Variants in BLTP1 observed in about 807,000 individuals in gnomAD.
BLTP1 encodes the protein fragile site-associated protein.
At chr4:122,340,818 C>G in the BLTP1 span, 1 of 956,998 alleles carries the variant, frequency 1.0e-6, no homozygotes, top group Non-Finnish European at 1.2e-6. Context: ...GTTACACTCA[C>G]TATTCATTAT....
the BLTP1 span, chr4:122,292,207 G>T: frequency 3.7e-6 from 1 of 266,848 alleles, no homozygotes; most frequent in African/African-American, 2.3e-5. Flanking sequence ...TTGACCTTGT[G>T]ATCTGCGTGC....
the BLTP1 span, chr4:122,156,100 G>C: frequency 1.5e-5 from 5 of 337,298 alleles, no homozygotes; most frequent in Non-Finnish European, 2.1e-5. Context: ...AGTAGATTGG[G>C]GAACATGATT....
chr4:122,223,226 T>A, the BLTP1 span: 1 of 831,924 alleles, frequency 1.2e-6, no homozygotes, highest in Non-Finnish European at 1.4e-6. Context: ...TCTTATGAAT[T>A]AGAGTTAGCC....
the BLTP1 span, among the ~76,000 whole-genome samples, chr4:122,345,799 C>T: frequency 6.6e-6 from 1 of 151,856 alleles, no homozygotes; most frequent in Non-Finnish European, 1.5e-5. Flanking sequence ...AGAGCATGAA[C>T]TGTGGCAGTA....
the BLTP1 span, chr4:122,192,113 T>G: frequency 2.0e-6 from 2 of 1,025,500 alleles, no homozygotes; most frequent in Non-Finnish European, 2.7e-6. Context: ...TTCTCAATAA[T>G]TTTTAAGAGT....
chr4:122,332,189 A>G, the BLTP1 span, among the ~76,000 whole-genome samples: 3 of 152,098 alleles, frequency 2.0e-5, no homozygotes, highest in South Asian at 6.2e-4. Context: ...GAGGATCATT[A>G]ATGATACTAT....
At chr4:122,344,281 G>A in the BLTP1 span, 12 of 1,225,592 alleles carry the variant, frequency 9.8e-6, no homozygotes, top group Non-Finnish European at 1.2e-5. Flanking sequence ...TTTAATTCAT[G>A]GCATATTACA....
At chr4:122,302,690 A>G in the BLTP1 span, among the ~76,000 whole-genome samples, 1 of 152,192 alleles carries the variant, frequency 6.6e-6, no homozygotes, top group African/African-American at 2.4e-5. Context: ...TTGTGAATGC[A>G]AAGGTGAAGT....
At chr4:122,297,957 G>A in the BLTP1 span, 8 of 157,234 alleles carry the variant, frequency 5.1e-5, no homozygotes, top group Admixed American at 5.2e-4. Flanking sequence ...ATGGATACTG[G>A]GCTTCATACC....
chr4:122,339,335 A>G, the BLTP1 span: 2 of 1,613,592 alleles, frequency 1.2e-6, no homozygotes, highest in African/African-American at 2.7e-5. Context: ...CATATCCTGC[A>G]GAGACTTTAT....
chr4:122,300,789 T>C, the BLTP1 span: 1 of 454,302 alleles, frequency 2.2e-6, no homozygotes, highest in East Asian at 1.6e-4. Context: ...AAAAGATTAA[T>C]CATTGTAAGA....
the BLTP1 span, among the ~76,000 whole-genome samples, chr4:122,300,458 G>C: frequency 6.6e-6 from 1 of 152,010 alleles, no homozygotes; most frequent in Non-Finnish European, 1.5e-5. Flanking sequence ...GGGGGGCCAA[G>C]TTATGTCCTT....
At chr4:122,302,587 A>G in the BLTP1 span, among the ~76,000 whole-genome samples, 1 of 152,228 alleles carries the variant, frequency 6.6e-6, no homozygotes, top group South Asian at 2.1e-4. Context: ...TCTCACTTTC[A>G]ATCAAAAGCT....
chr4:122,342,460 A>G, the BLTP1 span, among the ~76,000 whole-genome samples: 1 of 151,934 alleles, frequency 6.6e-6, no homozygotes, highest in Non-Finnish European at 1.5e-5. Context: ...GGTTCAAGCA[A>G]TTCTCCTGCC....
chr4:122,235,953 A>AT, the BLTP1 span, among the ~76,000 whole-genome samples: 1 of 152,128 alleles, frequency 6.6e-6, no homozygotes, highest in Non-Finnish European at 1.5e-5. Context: ...TTTCCTCTGG[A>AT]TTTTTTTAGT....
At chr4:122,310,084 G>A in the BLTP1 span, among the ~76,000 whole-genome samples, 1 of 151,860 alleles carries the variant, frequency 6.6e-6, no homozygotes. Context: ...TTATAAATAA[G>A]GAGTTAAAAG....
chr4:122,207,523 T>TC, the BLTP1 span: 1 of 1,502,068 alleles, frequency 6.7e-7, no homozygotes, highest in Non-Finnish European at 8.8e-7. Flanking sequence ...TCTTTTTTTT[T>TC]TTTTTTTTCT....
the BLTP1 span, chr4:122,249,753 C>A: frequency 6.4e-6 from 10 of 1,568,500 alleles, no homozygotes; most frequent in East Asian, 6.9e-5. Context: ...ATGTTTTGAA[C>A]AATCATGGCT....
the BLTP1 span, chr4:122,359,215 T>C: frequency 1.2e-5 from 6 of 498,978 alleles, no homozygotes; most frequent in Non-Finnish European, 1.6e-5. Flanking sequence ...TGTGCACATG[T>C]ACCCTAAAAC....
Sources: gnomAD v4.1 joint callset for allele counts (sites outside exome capture counted in the v4.1 genomes callset) on GRCh38, gnomAD v4.1.1 for gene constraint, MANE v1.5 for transcripts, NCBI Gene and HGNC (gene_info 2026-07-23, HGNC 2026-07-21) for gene names.